The following UGT1A10 variants were observed in gnomAD, a reference collection of about 807,000 sequenced individuals.
UGT1A10 encodes the protein UDP-glucuronosyltransferase 1A10.
A neutral mutation model predicts 45.8 loss-of-function variants in UGT1A10; 49 were observed. That is an observed-to-expected ratio of 1.07 (90% CI 0.85 to 1.36). UGT1A10 has a LOEUF of 1.36. UGT1A10 is among the 40% of genes most tolerant of loss of function. The pLI, the probability that UGT1A10 is intolerant of heterozygous loss-of-function variation, is 0.00. For missense variants in UGT1A10, 745 were observed against 668.6 expected, an observed-to-expected ratio of 1.11 and a Z score of -1.26; for synonymous variants, 284 against 249.7, an observed-to-expected ratio of 1.14 and a Z score of -1.29.
intron 1 of UGT1A10, chr2:233,747,808 C>G (rs1432471540): frequency 1.2e-6 from 2 of 1,613,386 alleles, no homozygotes; most frequent in African/African-American, 2.7e-5. Flanking sequence ...AAGTTACTAA[C>G]GACCAATTCA....
Position 233,772,610 on chromosome 2 carries a change from C to A in UGT1A10, c.*51C>A. 6.3e-7 allele frequency: 1 copy of A among 1,580,500 alleles called. No individual in the cohort carries two copies. Among genetic ancestry groups the A allele is most frequent in the South Asian group, 1.1e-5 (1 of 87,222 alleles). On this transcript the variant is annotated 3_prime_UTR_variant, in exon 5 of 5. Transcript: ENST00000344644. ...TTTTGAACCATTCCCTAGTCATTTC[C>A]AAACTTGAAAACAGAATCAGTGTTA...
Position 233,769,477 on chromosome 2 carries a change from G to T in UGT1A10, c.1295+1038G>T. The T allele has an allele frequency of 6.2e-7, 1 of 1,611,324 alleles. No individual in the cohort carries two copies. The highest frequency in any genetic ancestry group is 8.5e-7 in the Non-Finnish European group (1 of 1,178,664). On this transcript the variant is annotated intron_variant, in intron 4 of 4. Coordinates refer to ENST00000344644, the MANE Select transcript of UGT1A10 (RefSeq NM_019075.4). This position sits in a 1 kb window ranked among gnomAD's most constrained non-coding sequence, Gnocchi z 4.4. Reference sequence around the variant, plus strand: ...TGCATTCATATGCGTGTGTGTGTGTGTGCGTGTGTTTATGAGAGTGTCCAT... The same window carrying T: ...TGCATTCATATGCGTGTGTGTGTGTTTGCGTGTGTTTATGAGAGTGTCCAT...
In UGT1A10 at chr2:233,643,131, C is replaced by T. The variant is rs28969983; in HGVS notation, c.855+5754C>T. Among the ~76,000 whole-genome samples, 83 of 152,346 alleles carry T rather than the reference C, an allele frequency of 5.4e-4. No individual in the cohort carries two copies. In the East Asian group the frequency reaches 0.011, roughly 21 times the overall value. ...CAGCCAGCCAGACCTGCATCCCTCC[C>T]TTCAGAATGGCAAGGTCCCCCAGGC... On this transcript the variant is annotated intron_variant, in intron 1 of 4. Coordinates refer to ENST00000344644, the MANE Select transcript of UGT1A10 (RefSeq NM_019075.4).
intron 1 of UGT1A10, chr2:233,747,530 T>C (rs530513131): frequency 6.2e-7 from 1 of 1,605,552 alleles, no homozygotes; most frequent in East Asian, 2.2e-5. Flanking sequence ...CAGAACATTT[T>C]CTGAAGACAT....
At position 233,760,380 on chromosome 2, in the gene UGT1A10, G is replaced by C. The variant is rs768058050; in HGVS notation, c.856-6654G>C. 4.3e-6 allele frequency: 7 copies of C among 1,614,074 alleles called. No individual in the cohort carries two copies. The East Asian group carries it at 1.6e-4, about 36-fold the overall frequency. ...TGGTGTCCCATGCTGGGAAGATACT[G>C]TTGATCCCAGTGGATGGCAGCCACT... On this transcript the variant is annotated intron_variant, in intron 1 of 4. Transcript: ENST00000344644.
At chr2:233,682,729 C>G in intron 1 of UGT1A10, 19 of 1,613,830 alleles carry the variant, frequency 1.2e-5, no homozygotes, top group Non-Finnish European at 1.6e-5. Context: ...ATCCCAAACC[C>G]GTGATGCCCA....
chr2:233,648,618 G>T (rs1477725322), intron 1 of UGT1A10, among the ~76,000 whole-genome samples: 1 of 44,108 alleles, frequency 2.3e-5, no homozygotes, highest in Non-Finnish European at 4.5e-5. Flanking sequence ...CTGCCACCAC[G>T]CCTGGCTAAT....
intron 1 of UGT1A10, among the ~76,000 whole-genome samples, chr2:233,722,881 G>T (rs2077046984): frequency 7.8e-5 from 9 of 115,512 alleles, no homozygotes; most frequent in Admixed American, 2.8e-4. Context: ...TAAATTTATT[G>T]CTCATTAAGT....
chr2:233,676,572 A>G (rs746387974), intron 1 of UGT1A10, among the ~76,000 whole-genome samples: 6 of 152,162 alleles, frequency 3.9e-5, no homozygotes, highest in Non-Finnish European at 8.8e-5. Flanking sequence ...TCCCAGTGAT[A>G]CCACCTGAAA....
chr2:233,744,056 G>A (rs1039365766), intron 1 of UGT1A10: 4 of 611,070 alleles, frequency 6.5e-6, no homozygotes, highest in Admixed American at 3.6e-5. Context: ...CTCATTGGTC[G>A]AGGCCTATGA....
At chr2:233,693,510 A>G in intron 1 of UGT1A10, 1 of 1,614,092 alleles carries the variant, frequency 6.2e-7, no homozygotes, top group Non-Finnish European at 8.5e-7. Context: ...CCATCTGTGT[A>G]CCTCTTCAGG....
intron 1 of UGT1A10, among the ~76,000 whole-genome samples, chr2:233,658,958 A>T (rs1244221110): frequency 4.6e-5 from 7 of 152,160 alleles, no homozygotes; most frequent in African/African-American, 1.7e-4. Context: ...TTTTAGAGTC[A>T]GTTTGCCAAT....
intron 1 of UGT1A10, among the ~76,000 whole-genome samples, chr2:233,763,113 C>T (rs529760384): frequency 4.9e-4 from 74 of 152,338 alleles, no homozygotes; most frequent in African/African-American, 1.7e-3. Flanking sequence ...ACTTTATCAG[C>T]TGCCTTTCTG....
rs528108903 is a variant in UGT1A10, at chr2:233,675,717, A to T, written c.855+38340A>T. Among the ~76,000 whole-genome samples the T allele has an allele frequency of 2.0e-5, 3 of 152,362 alleles. No individual in the cohort carries two copies. The East Asian group carries it at 5.8e-4, about 29-fold the overall frequency. The stretch of plus-strand genomic sequence containing the variant: ...TCCATTCTTAGGTTAAATAATTTTC[A>T]CTATTTTGCTCTACTAATTCATCTA... On this transcript the variant is annotated intron_variant, in intron 1 of 4. Coordinates refer to ENST00000344644, the MANE Select transcript of UGT1A10 (RefSeq NM_019075.4).
chr2:233,651,141 AGGC>A (rs2073729387), intron 1 of UGT1A10, among the ~76,000 whole-genome samples: 1 of 152,170 alleles, frequency 6.6e-6, no homozygotes, highest in Non-Finnish European at 1.5e-5. Flanking sequence ...AGCCTCTACA[AGGC>A]TAGACTTTTC....
At chr2:233,656,315 A>G (rs2073852086) in intron 1 of UGT1A10, among the ~76,000 whole-genome samples, 1 of 152,220 alleles carries the variant, frequency 6.6e-6, no homozygotes, top group Admixed American at 6.5e-5. Context: ...ACTGGCCAGA[A>G]CCAGTCTGTG....
At chr2:233,716,575 T>A (rs760406565) in intron 1 of UGT1A10, among the ~76,000 whole-genome samples, 1 of 152,244 alleles carries the variant, frequency 6.6e-6, no homozygotes, top group Non-Finnish European at 1.5e-5. Flanking sequence ...TTAAAAACAA[T>A]ACTTTCAAAG....
chr2:233,693,620 T>C, intron 1 of UGT1A10: 1 of 1,614,218 alleles, frequency 6.2e-7, no homozygotes, highest in Non-Finnish European at 8.5e-7. Flanking sequence ...CATGACTTTT[T>C]CCCAACGAGT....
Position 233,755,049 on chromosome 2 carries a change from T to TCCGC in UGT1A10, c.856-11982_856-11979dup, listed in dbSNP as rs1457280659. The TCCGC allele has an allele frequency of 3.8e-6, 5 of 1,330,832 alleles. No homozygotes were observed. In the South Asian group the frequency reaches 5.7e-5, roughly 15 times the overall value. The allele number at this position is 1,330,832 out of a possible 1,614,324, so 82.4% of individuals were successfully genotyped here. ...GGGCCTGCCGCCTGCGCAGCCGCCC[T>TCCGC]CCGCCCTCGCCTCGCCATAGCGGTC... On this transcript the variant is annotated intron_variant, in intron 1 of 4. Coordinates refer to ENST00000344644, the MANE Select transcript of UGT1A10 (RefSeq NM_019075.4).
Sources: allele counts gnomAD v4.1 joint callset (sites outside exome capture counted in the v4.1 genomes callset), GRCh38; gene constraint gnomAD v4.1.1; non-coding constraint Gnocchi (gnomAD v3.1); transcripts MANE v1.5; gene names NCBI Gene and HGNC (gene_info 2026-07-23, HGNC 2026-07-21).